TBL1X: variants seen among roughly 807,000 people sequenced by gnomAD.
TBL1X encodes the protein F-box-like/WD repeat-containing protein TBL1X.
A neutral mutation model predicts 50.7 loss-of-function variants in TBL1X; 10 were observed. That is an observed-to-expected ratio of 0.20 (90% CI 0.12 to 0.33). The LOEUF (loss-of-function observed/expected upper bound fraction) is 0.33, where lower values mean the gene tolerates loss of function less well. TBL1X is among the 10% of genes least tolerant of loss of function. TBL1X has a pLI of 1.00. For synonymous variants in TBL1X, 190 were observed against 214.7 expected (o/e 0.88, Z 1.01); for missense variants, 340 against 504.4 (o/e 0.67, Z 3.12).
chrX:9,467,035 C>A lies in TBL1X; in HGVS notation c.-201+1588C>A, dbSNP rs746443023. Among the ~76,000 whole-genome samples the A allele has an allele frequency of 4.5e-5, 5 of 112,253 alleles. No individual in the cohort carries two copies. In the South Asian group the frequency reaches 1.1e-3, roughly 25 times the overall value. ...TTTGCCCCTTTACCTCAGAGAACTT[C>A]TCTCTGTCAGTGGTTTTAAAGAGGA... On this transcript the variant is annotated intron_variant, in intron 1 of 17. Transcript: ENST00000645353.
At chrX:9,649,924 G>A (rs1270827005) in intron 3 of TBL1X, among the ~76,000 whole-genome samples, 2 of 111,861 alleles carry the variant, frequency 1.8e-5, no homozygotes, top group African/African-American at 6.5e-5. Flanking sequence ...GAGTAGCTAA[G>A]ACCACAGGCA....
At chrX:9,543,639 G>A (rs2082226713) in intron 2 of TBL1X, among the ~76,000 whole-genome samples, 1 of 111,649 alleles carries the variant, frequency 9.0e-6, no homozygotes, top group Non-Finnish European at 1.9e-5. Flanking sequence ...TCGGGTATAA[G>A]GGATGTTGTC....
intron 5 of TBL1X, among the ~76,000 whole-genome samples, chrX:9,681,273 G>A (rs1353901823): frequency 8.9e-6 from 1 of 111,801 alleles, no homozygotes; most frequent in Admixed American, 9.5e-5. Context: ...GTCCATGCAG[G>A]GAATTCAAGA....
At chrX:9,622,374 A>G (rs959907587) in intron 2 of TBL1X, among the ~76,000 whole-genome samples, 2 of 111,373 alleles carry the variant, frequency 1.8e-5, no homozygotes, top group African/African-American at 6.5e-5. Context: ...TAGTGGAATC[A>G]TACATTAATT....
chrX:9,540,534 G>A (rs1439861812), intron 2 of TBL1X, among the ~76,000 whole-genome samples: 3 of 112,780 alleles, frequency 2.7e-5, no homozygotes, highest in African/African-American at 6.4e-5. Context: ...CACAAGGGAA[G>A]TTAAATTAAA....
chrX:9,476,264 G>T (rs2081848968), intron 1 of TBL1X, among the ~76,000 whole-genome samples: 2 of 111,789 alleles, frequency 1.8e-5, no homozygotes, highest in South Asian at 7.4e-4. Context: ...GAGTATATTT[G>T]GGAATATACC....
At chrX:9,705,924 C>T (rs2083204702) in intron 13 of TBL1X, among the ~76,000 whole-genome samples, 1 of 110,931 alleles carries the variant, frequency 9.0e-6, no homozygotes, top group Non-Finnish European at 1.9e-5. Context: ...ATGGCAGCAT[C>T]TGCTTCTGGG....
At chrX:9,600,208 C>T (rs1042306431) in intron 2 of TBL1X, among the ~76,000 whole-genome samples, 2 of 110,761 alleles carry the variant, frequency 1.8e-5, no homozygotes, top group South Asian at 3.9e-4. Flanking sequence ...AAATGTATTG[C>T]TCATAGCTCT....
At chrX:9,585,881 A>G (rs1252248135) in intron 2 of TBL1X, among the ~76,000 whole-genome samples, 1 of 112,172 alleles carries the variant, frequency 8.9e-6, no homozygotes, top group Non-Finnish European at 1.9e-5. Context: ...AGGGGAACAC[A>G]GTTGAACCCG....
At chrX:9,610,082 A>G (rs1002336098) in intron 2 of TBL1X, among the ~76,000 whole-genome samples, 4 of 112,558 alleles carry the variant, frequency 3.6e-5, no homozygotes, top group African/African-American at 1.3e-4. Context: ...CATATGAAAC[A>G]AGAGCTAAGT....
At chrX:9,473,995 G>A (rs1015360507) in intron 1 of TBL1X, among the ~76,000 whole-genome samples, 16 of 112,411 alleles carry the variant, frequency 1.4e-4, no homozygotes, top group Admixed American at 2.8e-4. Context: ...CTTTAAGCCA[G>A]TAGTCTCTAA....
At chrX:9,660,726 C>A (rs2082893073) in intron 5 of TBL1X, among the ~76,000 whole-genome samples, 1 of 112,376 alleles carries the variant, frequency 8.9e-6, no homozygotes, top group African/African-American at 3.2e-5. Context: ...TCCTAAAGAG[C>A]CCATTTCTGC....
intron 1 of TBL1X, among the ~76,000 whole-genome samples, chrX:9,478,788 A>G (rs2081863369): frequency 8.9e-6 from 1 of 112,149 alleles, no homozygotes. Context: ...TTTTCTCTGA[A>G]CTACCTTTGG....
At chrX:9,483,442 A>C (rs897039645) in intron 1 of TBL1X, among the ~76,000 whole-genome samples, 13 of 112,241 alleles carry the variant, frequency 1.2e-4, no homozygotes, top group African/African-American at 4.2e-4. Flanking sequence ...ATGACTGTGT[A>C]GATGGAGAAA....
chrX:9,523,940 T>C (rs2146967826), intron 2 of TBL1X, among the ~76,000 whole-genome samples: 1 of 105,981 alleles, frequency 9.4e-6, no homozygotes, highest in South Asian at 4.2e-4. Context: ...ACATGTAATA[T>C]AAAATTTAGT....
rs1210003559 is a variant in TBL1X, at chrX:9,524,031, G to T, written c.-131+22182G>T. ...TGCCCAGGCTGGAGTGCAGTGGCAC[G>T]ATCTTCACTCACTGCAACCTCCACC... On this transcript the variant is annotated intron_variant, in intron 2 of 17. Coordinates refer to ENST00000645353, the MANE Select transcript of TBL1X (RefSeq NM_005647.4). 4.7e-5 allele frequency among the ~76,000 whole-genome samples: 4 copies of T among 85,485 alleles called. No homozygotes were observed. In the South Asian group the frequency reaches 2.9e-3, roughly 62 times the overall value. The allele number at this position is 85,485 out of a possible 115,157, so 74.2% of individuals were successfully genotyped here.
At chrX:9,627,705 T>G (rs753408087) in intron 2 of TBL1X, among the ~76,000 whole-genome samples, 1 of 112,422 alleles carries the variant, frequency 8.9e-6, no homozygotes, top group South Asian at 3.7e-4. Context: ...AAGTTACTAC[T>G]CCCTTCAATA....
intron 5 of TBL1X, among the ~76,000 whole-genome samples, chrX:9,659,189 G>A (rs2521590): frequency 9.0e-6 from 1 of 111,504 alleles, no homozygotes; most frequent in East Asian, 2.9e-4. Context: ...GGAATGCGCG[G>A]AGCTGGCTTG....
intron 2 of TBL1X, among the ~76,000 whole-genome samples, chrX:9,505,014 A>C (rs956492071): frequency 9.0e-6 from 1 of 111,588 alleles, no homozygotes; most frequent in Non-Finnish European, 1.9e-5. Context: ...TAATCATCAG[A>C]TTTTCCAAGG....
Sources: gnomAD v4.1 joint callset for allele counts (sites outside exome capture counted in the v4.1 genomes callset) on GRCh38, gnomAD v4.1.1 for gene constraint, MANE v1.5 for transcripts, NCBI Gene and HGNC (gene_info 2026-07-23, HGNC 2026-07-21) for gene names.